PSG8: variants seen among roughly 807,000 people sequenced by gnomAD.
PSG8 encodes pregnancy-specific beta-1-glycoprotein 8.
In PSG8, 57 loss-of-function variants were observed where a neutral mutation model predicts 42.5. The observed-to-expected ratio is 1.34, with a 90% CI of 1.08 to 1.67. The LOEUF (loss-of-function observed/expected upper bound fraction) is 1.67. Among genes scored for constraint, PSG8 ranks in the 40% most tolerant of loss-of-function variants. The pLI, the probability that PSG8 is intolerant of heterozygous loss-of-function variation, is 0.00. For synonymous variants in PSG8, 280 were observed against 196.8 expected (o/e 1.42, Z -3.54); for missense variants, 783 against 518.6 (o/e 1.51, Z -4.95).
In PSG8 at chr19:42,755,002, G is replaced by T; in HGVS notation, c.974C>A (p.Thr325Asn). ...QYGGIRSYPV[T>N]LNVLYGPDLP... is the part of the protein sequence containing the mutation. ...AAGATACTCACAGAGGACATTCAGG[G>T]TGACTGGGTAACTGCGGATGCCACC... The change falls in exon 4 of 5, where the codon ACC (threonine) becomes AAC (asparagine). Residue 325 changes from threonine to asparagine, a missense_variant. Transcript: ENST00000306511. 5.0e-6 allele frequency: 8 copies of T among 1,613,420 alleles called. No homozygotes were observed. Among genetic ancestry groups the T allele is most frequent in the African/African-American group, 1.3e-5 (1 of 74,998 alleles).
intron 2 of PSG8, among the ~76,000 whole-genome samples, chr19:42,762,536 C>T (rs897147404): frequency 7.2e-5 from 11 of 152,090 alleles, no homozygotes; most frequent in Admixed American, 3.9e-4. Flanking sequence ...TCATTCCATT[C>T]CTTCATTTGT....
chr19:42,752,784 A>T (rs1224551040), downstream of PSG8: 2 of 176,828 alleles, frequency 1.1e-5, no homozygotes, highest in Admixed American at 5.5e-5. Flanking sequence ...CCATCCACAG[A>T]ATGTGCATTT....
At chr19:42,756,504 C>G (rs1321288259) in intron 3 of PSG8, among the ~76,000 whole-genome samples, 1 of 152,116 alleles carries the variant, frequency 6.6e-6, no homozygotes, top group Non-Finnish European at 1.5e-5. Flanking sequence ...CATATACTTA[C>G]TGGTTTAGCA....
At chr19:42,753,159 C>T (rs1409099247), downstream of PSG8, 7 of 708,170 alleles carry the variant, frequency 9.9e-6, no homozygotes, top group Non-Finnish European at 1.8e-5. Flanking sequence ...ACTTGTTGTC[C>T]TGGTTTACAG....
At chr19:42,763,377 C>G (rs1279416077) in intron 2 of PSG8, among the ~76,000 whole-genome samples, 1 of 152,108 alleles carries the variant, frequency 6.6e-6, no homozygotes, top group Admixed American at 6.5e-5. Context: ...GAGGGCTGAG[C>G]CCTGGCTGGT....
rs113747983 is a variant in PSG8, at chr19:42,756,429, A to G, written c.710-1163T>C. On this transcript the variant is annotated intron_variant, in intron 3 of 4. Transcript: ENST00000306511. ...AGTTCACACAAATTGAGTATTTCTTATGCATAAGACTTAGGACAAAAAGTG... is the reference window on the plus strand; with the variant it reads ...AGTTCACACAAATTGAGTATTTCTTGTGCATAAGACTTAGGACAAAAAGTG... 5.3e-3 allele frequency among the ~76,000 whole-genome samples: 814 copies of G among 152,296 alleles called. 6 individuals are homozygous for G. The highest frequency in any genetic ancestry group is 0.013 in the African/African-American group (560 of 41,580).
downstream of PSG8, among the ~76,000 whole-genome samples, chr19:42,753,602 GCT>G (rs1969835083): frequency 6.6e-6 from 1 of 152,134 alleles, no homozygotes; most frequent in African/African-American, 2.4e-5. Context: ...GACCGTGTAG[GCT>G]CTCTTTTAAA....
intron 2 of PSG8, among the ~76,000 whole-genome samples, chr19:42,760,282 A>C (rs373964751): frequency 2.5e-4 from 38 of 152,186 alleles, no homozygotes; most frequent in Admixed American, 8.5e-4. Flanking sequence ...AAGGCAGTAA[A>C]ACCATCAGAT....
At chr19:42,763,090 CT>C (rs1271545397) in intron 2 of PSG8, among the ~76,000 whole-genome samples, 2 of 152,184 alleles carry the variant, frequency 1.3e-5, no homozygotes, top group African/African-American at 4.8e-5. Flanking sequence ...TCACAGTCAC[CT>C]GACCTAATGC....
intron 3 of PSG8, among the ~76,000 whole-genome samples, chr19:42,757,754 A>C (rs573830783): frequency 2.0e-5 from 3 of 152,174 alleles, no homozygotes; most frequent in Non-Finnish European, 2.9e-5. Flanking sequence ...AGCCTGAGAC[A>C]TTCACCTGTT....
intron 1 of PSG8, among the ~76,000 whole-genome samples, chr19:42,764,578 C>A (rs969027709): frequency 3.9e-5 from 6 of 151,956 alleles, no homozygotes; most frequent in Admixed American, 3.9e-4. Context: ...CCGCATGGCC[C>A]CCTCCACACT....
Position 42,755,261 on chromosome 19 carries a change from G to C in PSG8, c.715C>G (p.Leu239Val). 6.2e-7 allele frequency: 1 copy of C among 1,612,124 alleles called. No homozygotes were observed. The highest frequency in any genetic ancestry group is 8.5e-7 in the Non-Finnish European group (1 of 1,179,686). Residue 239 changes from leucine (L) to valine (V), a missense_variant, in exon 4 of 5, where the codon CTG becomes GTG. Transcript: ENST00000306511. ...TTGATGGTGATGTAGGGCTTGGGCA[G>C]CTTCGCTGTGTGGATAACAGAGAGA... is the stretch of plus-strand genomic sequence containing the variant. ...DPFTLNLLPK[L>V]PKPYITINNL...
chr19:42,754,748 G>C (rs542651397), intron 4 of PSG8, 161 bp from the exon 5 acceptor site: 185 of 1,327,892 alleles, frequency 1.4e-4, no homozygotes, highest in Non-Finnish European at 1.8e-4. Context: ...GTATTCACCT[G>C]TTTCTCCCAT....
In PSG8 at chr19:42,754,480, A is replaced by C; in HGVS notation, c.1096T>G (p.Trp366Gly). 1 of 1,613,954 alleles carries C rather than the reference A, an allele frequency of 6.2e-7. No individual in the cohort carries two copies. The highest frequency in any genetic ancestry group is 8.5e-7 in the Non-Finnish European group (1 of 1,179,884). Residue 366 changes from tryptophan (W) to glycine (G), a missense_variant, in exon 5 of 5, where the codon TGG becomes GGG. Coordinates refer to ENST00000306511, the MANE Select transcript of PSG8 (RefSeq NM_182707.3). ...AGCTGAAACTTCCCATTAATTGTCC[A>C]AGAATACTGTGCCGGTGGGTTAGAG... ...ADSNPPAQYS[W>G]TINGKFQLSG...
intron 2 of PSG8, 104 bp downstream of exon 2, chr19:42,763,812 T>G: frequency 7.6e-6 from 12 of 1,588,102 alleles, no homozygotes; most frequent in Non-Finnish European, 1.0e-5. Context: ...TGGGACATAA[T>G]GCAGAGAGGG....
chr19:42,761,296 A>G (rs1302643300), intron 2 of PSG8, among the ~76,000 whole-genome samples: 1 of 152,178 alleles, frequency 6.6e-6, no homozygotes, highest in Non-Finnish European at 1.5e-5. Flanking sequence ...TAACACCCTT[A>G]CTTTGCCCAG....
intron 2 of PSG8, among the ~76,000 whole-genome samples, chr19:42,761,875 G>T (rs1403749734): frequency 1.9e-5 from 2 of 103,044 alleles, no homozygotes; most frequent in Non-Finnish European, 3.5e-5. Flanking sequence ...AGAAGAACTT[G>T]CCTGGCAATT....
At position 42,757,993 on chromosome 19, in the gene PSG8, A is replaced by G. The variant is rs377678208; in HGVS notation, c.709+9T>C. 323 of 1,613,762 alleles carry G rather than the reference A, an allele frequency of 2.0e-4. 2 individuals are homozygous for G. The highest frequency in any genetic ancestry group is 9.5e-4 in the Admixed American group (57 of 59,816). ...CAGCCTGGCTCACAGAGGAACAGAA[A>G]ATACTCACGGAGGAGATTCAGGGTG... is the stretch of plus-strand genomic sequence containing the variant. On this transcript the variant is annotated intron_variant, in intron 3 of 4. Transcript: ENST00000306511.
At chr19:42,759,541 T>G (rs1442670234) in intron 2 of PSG8, among the ~76,000 whole-genome samples, 3 of 152,198 alleles carry the variant, frequency 2.0e-5, no homozygotes, top group Non-Finnish European at 4.4e-5. Context: ...TCTGAAAAAT[T>G]TAAAATGCAC....
Sources: gnomAD v4.1 joint callset for allele counts (sites outside exome capture counted in the v4.1 genomes callset) on GRCh38, gnomAD v4.1.1 for gene constraint, MANE v1.5 for transcripts, NCBI Gene and HGNC (gene_info 2026-07-23, HGNC 2026-07-21) for gene names.